Variants in ARHGEF28 observed in about 807,000 individuals in gnomAD.
The protein encoded by ARHGEF28 is Rho guanine nucleotide exchange factor 28.
Under a neutral mutation model 206.6 loss-of-function variants are expected in ARHGEF28, and 152 were observed. That is an observed-to-expected ratio of 0.74 (90% CI 0.64 to 0.84). The LOEUF (loss-of-function observed/expected upper bound fraction) is 0.84. Ranked by LOEUF, ARHGEF28 falls within the 40% of genes least tolerant of loss-of-function variation. ARHGEF28 has a pLI of 0.00. For missense variants in ARHGEF28, 2,028 were observed against 2,073.2 expected, an observed-to-expected ratio of 0.98 and a Z score of 0.42; for synonymous variants, 763 against 776.4, an observed-to-expected ratio of 0.98 and a Z score of 0.29.
At chr5:73,709,592 G>T (rs1749129687) in intron 2 of ARHGEF28, among the ~76,000 whole-genome samples, 2 of 152,112 alleles carry the variant, frequency 1.3e-5, no homozygotes, top group African/African-American at 4.8e-5. Flanking sequence ...GGTAACGGTT[G>T]GTCAGCTGCT....
intron 35 of ARHGEF28, among the ~76,000 whole-genome samples, chr5:73,921,231 T>C (rs1763506331): frequency 6.6e-6 from 1 of 152,186 alleles, no homozygotes; most frequent in South Asian, 2.1e-4. Flanking sequence ...AAATGAAGTG[T>C]GGTTGAATCT....
At chr5:73,841,875 G>T (rs1002511807) in intron 11 of ARHGEF28, among the ~76,000 whole-genome samples, 1 of 152,110 alleles carries the variant, frequency 6.6e-6, no homozygotes, top group African/African-American at 2.4e-5. Flanking sequence ...CAAGTTTCAA[G>T]GTGGGTGGGC....
chr5:73,862,276 T>A (rs1050036596), intron 16 of ARHGEF28, among the ~76,000 whole-genome samples: 2 of 152,216 alleles, frequency 1.3e-5, no homozygotes, highest in Non-Finnish European at 2.9e-5. Flanking sequence ...TTTAACTTCA[T>A]TAGATGCCTT....
intron 1 of ARHGEF28, among the ~76,000 whole-genome samples, chr5:73,628,613 G>A (rs533179681): frequency 1.2e-4 from 18 of 152,188 alleles, no homozygotes; most frequent in South Asian, 1.0e-3. Flanking sequence ...ACCGGCCCCC[G>A]CCCATAACCT....
intron 1 of ARHGEF28, among the ~76,000 whole-genome samples, chr5:73,671,686 G>C (rs1260557629): frequency 2.5e-5 from 3 of 118,910 alleles, no homozygotes; most frequent in Non-Finnish European, 5.1e-5. Flanking sequence ...GGTTTTCATT[G>C]AACTTGATTA....
chr5:73,938,160 C>CCACACACACACACACACACACA (rs199804024), intron 35 of ARHGEF28, among the ~76,000 whole-genome samples: 19 of 139,548 alleles, frequency 1.4e-4, no homozygotes, highest in Non-Finnish European at 2.3e-4. Flanking sequence ...CTACACTACA[C>CCACACACACACACACACACACA]CACACACACA....
intron 4 of ARHGEF28, among the ~76,000 whole-genome samples, chr5:73,755,935 A>G (rs1752288096): frequency 6.6e-6 from 1 of 152,188 alleles, no homozygotes; most frequent in African/African-American, 2.4e-5. Flanking sequence ...TATACATACT[A>G]TATGTATTTT....
intron 4 of ARHGEF28, among the ~76,000 whole-genome samples, chr5:73,773,293 A>G (rs927320462): frequency 3.9e-5 from 6 of 152,164 alleles, no homozygotes; most frequent in Non-Finnish European, 8.8e-5. Context: ...CTTTGGCAAT[A>G]TTGACATAAT....
At chr5:73,911,944 AAAT>A (rs749711092) in intron 35 of ARHGEF28, among the ~76,000 whole-genome samples, 23 of 152,186 alleles carry the variant, frequency 1.5e-4, no homozygotes, top group Non-Finnish European at 2.6e-4. Context: ...TGACACTCAG[AAAT>A]AATAACAGAT....
In ARHGEF28 at chr5:73,773,918, A is replaced by T; in HGVS notation, c.539A>T (p.Gln180Leu). Reference sequence around the variant, plus strand: ...AGATGGGGCCTGGCTAAACTTTCCCAGTTCTTCTTGTGTCTCCCGGGGGGA... The same window carrying T: ...AGATGGGGCCTGGCTAAACTTTCCCTGTTCTTCTTGTGTCTCCCGGGGGGA... ...AMRWGLAKLS[Q>L]FFLCLPGGVQ... Residue 180 changes from glutamine (Q) to leucine (L), a missense_variant, in exon 5 of 36, where the codon CAG becomes CTG. Transcript: ENST00000513042. The T allele has an allele frequency of 6.2e-7, 1 of 1,609,002 alleles. No individual in the cohort carries two copies. Among genetic ancestry groups the T allele is most frequent in the African/African-American group, 1.3e-5 (1 of 74,958 alleles).
At chr5:73,866,593 C>T (rs775918577) in intron 18 of ARHGEF28, among the ~76,000 whole-genome samples, 5 of 152,036 alleles carry the variant, frequency 3.3e-5, no homozygotes, top group African/African-American at 1.2e-4. Flanking sequence ...TTAGAATGAC[C>T]GTGAAATTTC....
At chr5:73,649,481 A>G (rs1230874872) in intron 1 of ARHGEF28, among the ~76,000 whole-genome samples, 2 of 152,202 alleles carry the variant, frequency 1.3e-5, no homozygotes, top group Non-Finnish European at 2.9e-5. Flanking sequence ...TTTTAAGATG[A>G]AGAAGCTGTA....
intron 2 of ARHGEF28, among the ~76,000 whole-genome samples, chr5:73,730,510 T>A (rs1750549363): frequency 6.6e-6 from 1 of 150,876 alleles, no homozygotes; most frequent in Non-Finnish European, 1.5e-5. Flanking sequence ...TCAATATAGG[T>A]TCAAACTGTC....
intron 9 of ARHGEF28, among the ~76,000 whole-genome samples, chr5:73,810,185 T>C (rs942118931): frequency 3.3e-5 from 5 of 152,210 alleles, no homozygotes; most frequent in African/African-American, 9.6e-5. Flanking sequence ...GGCTAGTCAG[T>C]AGAAATCATT....
intron 22 of ARHGEF28, among the ~76,000 whole-genome samples, chr5:73,876,080 T>C (rs1476065155): frequency 6.7e-6 from 1 of 149,386 alleles, no homozygotes. Flanking sequence ...TTTGTTTGTA[T>C]CCTCTTTTAT....
chr5:73,820,618 C>G (rs977885701), intron 9 of ARHGEF28, among the ~76,000 whole-genome samples: 2 of 152,170 alleles, frequency 1.3e-5, no homozygotes, highest in African/African-American at 4.8e-5. Flanking sequence ...CCCACCCTGG[C>G]TCTTACCCTA....
At chr5:73,730,943 A>G (rs1422826738) in intron 2 of ARHGEF28, among the ~76,000 whole-genome samples, 1 of 151,326 alleles carries the variant, frequency 6.6e-6, no homozygotes, top group Middle Eastern at 3.2e-3. Context: ...GTATGTACTG[A>G]GCTAGATTTT....
chr5:73,798,209 G>A (rs1754934563), intron 9 of ARHGEF28, among the ~76,000 whole-genome samples: 2 of 152,036 alleles, frequency 1.3e-5, no homozygotes, highest in South Asian at 2.1e-4. Context: ...CTTCAAGTAT[G>A]TATCTTTTGA....
chr5:73,936,050 A>G (rs1056307751), intron 35 of ARHGEF28, among the ~76,000 whole-genome samples: 6 of 152,236 alleles, frequency 3.9e-5, no homozygotes, highest in African/African-American at 1.4e-4. Context: ...TGGTGCATTT[A>G]GATTTAAATA....
Sources: gnomAD v4.1 joint callset for allele counts (sites outside exome capture counted in the v4.1 genomes callset) on GRCh38, gnomAD v4.1.1 for gene constraint, MANE v1.5 for transcripts, NCBI Gene and HGNC (gene_info 2026-07-23, HGNC 2026-07-21) for gene names.